The following TAFA2 variants were observed in gnomAD, a reference collection of about 807,000 sequenced individuals.
TAFA2 encodes chemokine-like protein TAFA-2.
Under a neutral mutation model 18.8 loss-of-function variants are expected in TAFA2, and 7 were observed. The observed-to-expected ratio is 0.37, with a 90% CI of 0.21 to 0.70. TAFA2 has a LOEUF of 0.70. TAFA2 is among the 30% of genes least tolerant of loss of function. The pLI is 0.53. For synonymous variants in TAFA2, 60 were observed against 54.2 expected (o/e 1.11, Z -0.47); for missense variants, 122 against 158.1 (o/e 0.77, Z 1.23).
chr12:62,245,734 A>T (rs1242647455), intron 1 of TAFA2, among the ~76,000 whole-genome samples: 2 of 140,490 alleles, frequency 1.4e-5, no homozygotes, highest in East Asian at 3.9e-4. Flanking sequence ...ATACATATAG[A>T]TACATATATA....
intron 1 of TAFA2, among the ~76,000 whole-genome samples, chr12:62,209,969 G>A (rs993873220): frequency 6.6e-6 from 1 of 152,170 alleles, no homozygotes; most frequent in Non-Finnish European, 1.5e-5. Context: ...GGGAGGCCGA[G>A]GGAGGCAGAT....
chr12:61,975,659 T>A (rs11831952), intron 1 of TAFA2, among the ~76,000 whole-genome samples: 54,124 of 151,342 alleles, frequency 0.36, 10,740 homozygotes, highest in Non-Finnish European at 0.45. Flanking sequence ...CAGCTTTTAA[T>A]GCAGAGGTAG....
At chr12:61,903,659 T>C (rs1876212690) in intron 1 of TAFA2, among the ~76,000 whole-genome samples, 1 of 152,178 alleles carries the variant, frequency 6.6e-6, no homozygotes, top group Admixed American at 6.6e-5. Flanking sequence ...TTTTTGTTAA[T>C]TTTCATGTCA....
At chr12:62,127,725 C>A (rs1232352139) in intron 1 of TAFA2, among the ~76,000 whole-genome samples, 12 of 151,870 alleles carry the variant, frequency 7.9e-5, no homozygotes, top group Non-Finnish European at 8.8e-5. Context: ...TGTGTCTCTG[C>A]CACATTCTAG....
chr12:61,877,545 C>T (rs1565666069), intron 1 of TAFA2, among the ~76,000 whole-genome samples: 1 of 152,224 alleles, frequency 6.6e-6, no homozygotes, highest in South Asian at 2.1e-4. Flanking sequence ...CCAAAGAACA[C>T]CCTGAGGAAA....
chr12:62,240,037 T>A (rs974230775), intron 1 of TAFA2, among the ~76,000 whole-genome samples: 2 of 151,480 alleles, frequency 1.3e-5, no homozygotes, highest in African/African-American at 2.4e-5. Flanking sequence ...TAGTTATATA[T>A]ATTATATAAC....
chr12:62,039,413 A>G (rs1881698684), intron 1 of TAFA2, among the ~76,000 whole-genome samples: 1 of 152,172 alleles, frequency 6.6e-6, no homozygotes, highest in Non-Finnish European at 1.5e-5. Flanking sequence ...GGAGAGGATA[A>G]TAAGAGGCTG....
At chr12:61,973,700 G>C (rs964746495) in intron 1 of TAFA2, among the ~76,000 whole-genome samples, 4 of 151,652 alleles carry the variant, frequency 2.6e-5, no homozygotes, top group Non-Finnish European at 5.9e-5. Context: ...ACTCCTTAAA[G>C]GAAACCTGAT....
chr12:61,873,365 T>C (rs1013442487), intron 1 of TAFA2, among the ~76,000 whole-genome samples: 2 of 151,948 alleles, frequency 1.3e-5, no homozygotes, highest in African/African-American at 2.4e-5. Context: ...GTTAGTTACA[T>C]ATGTATACAT....
chr12:61,833,394 A>ATTTATAGAGTAG (rs1352913185), intron 2 of TAFA2, among the ~76,000 whole-genome samples: 15 of 151,864 alleles, frequency 9.9e-5, no homozygotes, highest in African/African-American at 3.6e-4. Flanking sequence ...CCCCAAGATC[A>ATTTATAGAGTAG]CTTATAGAGT....
At chr12:61,739,195 T>C in intron 4 of TAFA2, among the ~76,000 whole-genome samples, 1 of 152,076 alleles carries the variant, frequency 6.6e-6, no homozygotes, top group South Asian at 2.1e-4. Context: ...GGATATGAAC[T>C]CAAGTAATGA....
intron 1 of TAFA2, among the ~76,000 whole-genome samples, chr12:61,977,096 T>G (rs1879464927): frequency 6.6e-6 from 1 of 151,822 alleles, no homozygotes; most frequent in Non-Finnish European, 1.5e-5. Context: ...GAGGAGAAAA[T>G]GGGGTCATTT....
intron 1 of TAFA2, among the ~76,000 whole-genome samples, chr12:61,910,421 A>G (rs373141350): frequency 2.0e-5 from 3 of 152,210 alleles, no homozygotes; most frequent in Non-Finnish European, 2.9e-5. Context: ...CTAGCTGAGC[A>G]TAACCAATAA....
intron 1 of TAFA2, among the ~76,000 whole-genome samples, chr12:62,016,142 C>T (rs906153366): frequency 2.0e-5 from 3 of 152,166 alleles, no homozygotes; most frequent in African/African-American, 7.2e-5. Flanking sequence ...ATTTACCATG[C>T]ACATGTACAG....
chr12:61,970,796 G>A lies in TAFA2; in HGVS notation c.-1-103370C>T, dbSNP rs116530950. Among the ~76,000 whole-genome samples the A allele has an allele frequency of 3.3e-3, 496 of 149,636 alleles. 4 individuals are homozygous for A. Among genetic ancestry groups the A allele is most frequent in the African/African-American group, 0.011 (458 of 40,730 alleles). On this transcript the variant is annotated intron_variant, in intron 1 of 4. Transcript: ENST00000416284. ...ATCAATGGACACCTAGACTAGAATG[G>A]TCACATTGAGAGTGGTAAAGAAAAA...
chr12:62,215,748 A>AGAGAAACAACTTGTTTCTC (rs2062732687), intron 1 of TAFA2, among the ~76,000 whole-genome samples: 1 of 58,956 alleles, frequency 1.7e-5, no homozygotes, highest in South Asian at 5.3e-4. Context: ...TTGTTTCTCA[A>AGAGAAACAACTTGTTTCTC]AAAAAAAAAA....
At chr12:62,252,174 A>G (rs2136995371) in intron 1 of TAFA2, 1 of 152,354 alleles carries the variant, frequency 6.6e-6, no homozygotes, top group East Asian at 1.9e-4. Flanking sequence ...GAGAGTCACC[A>G]TACCTTTCTC....
At chr12:62,259,355 C>T (rs952992615), upstream of TAFA2, 2 of 152,252 alleles carry the variant, frequency 1.3e-5, no homozygotes, top group Non-Finnish European at 2.9e-5. Context: ...AAGGCTAAAA[C>T]AAAAGATGAA....
intron 1 of TAFA2, among the ~76,000 whole-genome samples, chr12:61,992,819 A>G (rs11174267): frequency 0.29 from 43,398 of 152,128 alleles, 7,259 homozygotes; most frequent in Non-Finnish European, 0.38. Flanking sequence ...ATAAACTGCT[A>G]TATCCCCTAA....
Sources: gnomAD v4.1 joint callset for allele counts (sites outside exome capture counted in the v4.1 genomes callset) on GRCh38, gnomAD v4.1.1 for gene constraint, MANE v1.5 for transcripts, NCBI Gene and HGNC (gene_info 2026-07-23, HGNC 2026-07-21) for gene names.